MLPH: variants seen among roughly 807,000 people sequenced by gnomAD.
MLPH encodes exophilin-3.
A neutral mutation model predicts 72.1 loss-of-function variants in MLPH; 51 were observed. That is an observed-to-expected ratio of 0.71 (90% CI 0.56 to 0.89). The LOEUF is 0.89. MLPH is among the 40% of genes least tolerant of loss of function. MLPH has a pLI of 0.00. For missense variants in MLPH, 743 were observed against 759.9 expected, an observed-to-expected ratio of 0.98 and a Z score of 0.26; for synonymous variants, 301 against 310.1, an observed-to-expected ratio of 0.97 and a Z score of 0.31.
chr2:237,546,672 A>G lies in MLPH; in HGVS notation c.1606A>G (p.Ser536Gly), dbSNP rs1465939164. The change falls in exon 13 of 16, where the codon AGT (serine) becomes GGT (glycine). Residue 536 changes from serine to glycine, a missense_variant. Coordinates refer to ENST00000264605, the MANE Select transcript of MLPH (RefSeq NM_024101.7). Reference sequence around the variant, plus strand: ...AGAGGACCCAAATGCAGACCCTTCAAGTGAGGCCAAGGTATGTGTTACTCC... The same window carrying G: ...AGAGGACCCAAATGCAGACCCTTCAGGTGAGGCCAAGGTATGTGTTACTCC... ...RPEDPNADPS[S>G]EAKAMAVPYL... 6.2e-7 allele frequency: 1 copy of G among 1,614,108 alleles called. No individual in the cohort carries two copies.
rs201166379 is a variant in MLPH, at chr2:237,542,629, G to C, written c.1509G>C (p.Ser503=). ...LRAAGLTVKP[S]GKPRRKSNLP... ...CCGCAGGGCTCACGGTGAAGCCCTC[G>C]GGAAAGCCCCGGAGGAAGTCAAACC... Residue 503 remains serine (S), a synonymous_variant, in exon 12 of 16, where the codon TCG becomes TCC. Coordinates refer to ENST00000264605, the MANE Select transcript of MLPH (RefSeq NM_024101.7). The C allele has an allele frequency of 1.9e-4, 308 of 1,597,768 alleles. No individual in the cohort carries two copies. The East Asian group carries it at 6.4e-3, about 33-fold the overall frequency.
chr2:237,534,492 G>T (rs1397542747), intron 8 of MLPH, 72 bp from the exon 9 acceptor site: 1 of 1,239,164 alleles, frequency 8.1e-7, no homozygotes, highest in Non-Finnish European at 1.2e-6. Context: ...CTTCAGAGGT[G>T]GTGGGTGCCA....
At chr2:237,498,134 A>G (rs954577518) in intron 2 of MLPH, among the ~76,000 whole-genome samples, 18 of 152,216 alleles carry the variant, frequency 1.2e-4, no homozygotes, top group Non-Finnish European at 2.6e-4. Context: ...ACTACCCAGA[A>G]TATGCATCAG....
Position 237,541,439 on chromosome 2 carries a change from T to A in MLPH, c.1446+482T>A, listed in dbSNP as rs1193899114. On this transcript the variant is annotated intron_variant, in intron 11 of 15. Transcript: ENST00000264605. The surrounding 1 kb of genome is among the most constrained non-coding windows in gnomAD (Gnocchi z 5.1). ...TCAGGCCTCCCAGGGACAGCTGAGG[T>A]GACTTAGGCACTGCTCTGTCCTCCC... is the stretch of plus-strand genomic sequence containing the variant. Among the ~76,000 whole-genome samples the A allele has an allele frequency of 3.9e-5, 6 of 152,008 alleles. No homozygotes were observed. Among genetic ancestry groups the A allele is most frequent in the Non-Finnish European group, 8.8e-5 (6 of 67,978 alleles).
At chr2:237,502,182 C>CAT (rs1335162274) in intron 2 of MLPH, among the ~76,000 whole-genome samples, 1 of 152,194 alleles carries the variant, frequency 6.6e-6, no homozygotes, top group Non-Finnish European at 1.5e-5. Flanking sequence ...TAGATTCATT[C>CAT]ATATCACTTG....
intron 4 of MLPH, 180 bp downstream of exon 4, chr2:237,511,281 T>G: frequency 1.7e-6 from 1 of 574,590 alleles, no homozygotes; most frequent in South Asian, 2.0e-5. Flanking sequence ...TTTTTTTTTT[T>G]TTTAATTTTT....
intron 8 of MLPH, among the ~76,000 whole-genome samples, chr2:237,533,390 C>CAT (rs1553600847): frequency 0.011 from 1,211 of 107,992 alleles, 30 homozygotes; most frequent in East Asian, 0.092. Flanking sequence ...ATTTTCTTTT[C>CAT]TTTTTTTTTT....
At chr2:237,529,772 T>A (rs2080380090) in intron 8 of MLPH, among the ~76,000 whole-genome samples, 1 of 152,190 alleles carries the variant, frequency 6.6e-6, no homozygotes, top group African/African-American at 2.4e-5. Flanking sequence ...CCAAGGCTGG[T>A]CTCAGGCACA....
rs572224467 is a variant in MLPH, at chr2:237,527,550, T to C, written c.1020+34T>C. 4.0e-5 allele frequency: 64 copies of C among 1,613,612 alleles called. 1 individual carries two copies. The South Asian group carries it at 6.4e-4, about 16-fold the overall frequency. On this transcript the variant is annotated intron_variant, in intron 8 of 15. Coordinates refer to ENST00000264605, the MANE Select transcript of MLPH (RefSeq NM_024101.7). ...GGCTGGAAAGACTTCTGTCTTGTCG[T>C]TTCTTTGGGTGGAGTCTTTTTACCT...
intron 1 of MLPH, among the ~76,000 whole-genome samples, chr2:237,490,188 G>T (rs2079400913): frequency 6.6e-6 from 1 of 152,130 alleles, no homozygotes; most frequent in Non-Finnish European, 1.5e-5. Context: ...AGCTAGGGCA[G>T]GCACAGAGCA....
At position 237,518,138 on chromosome 2, in the gene MLPH, G is replaced by A. The variant is rs898487150; in HGVS notation, c.446-401G>A. The stretch of plus-strand genomic sequence containing the variant: ...AGGAGGGATGGAGGGATGGATGGAT[G>A]GATGGGTGGGTAGGTGAATACATGG... On this transcript the variant is annotated intron_variant, in intron 4 of 15. Transcript: ENST00000264605. The A allele has an allele frequency of 8.2e-4, 289 of 350,692 alleles. 2 individuals carry two copies. The highest frequency in any genetic ancestry group is 1.8e-4 in the Non-Finnish European group (32 of 178,804). 21.7% of individuals were successfully genotyped at this position (350,692 alleles called of 1,614,324 possible).
intron 2 of MLPH, among the ~76,000 whole-genome samples, chr2:237,493,881 G>T (rs1375458466): frequency 2.0e-5 from 3 of 152,200 alleles, no homozygotes; most frequent in Non-Finnish European, 4.4e-5. Context: ...GAAACACCTA[G>T]ATGTTGGAAT....
intron 4 of MLPH, among the ~76,000 whole-genome samples, chr2:237,511,881 C>T (rs1574852073): frequency 1.3e-5 from 2 of 152,170 alleles, no homozygotes; most frequent in East Asian, 1.9e-4. Context: ...GGGAGGATGC[C>T]GGGGGGTCTT....
rs191779158 is a variant in MLPH at position 237,510,194 on chromosome 2, A to C, written c.111-380A>C. The C allele has an allele frequency of 3.3e-5, 11 of 336,894 alleles. No homozygotes were observed. Among genetic ancestry groups the C allele is most frequent in the Admixed American group, 3.0e-4 (7 of 23,652 alleles). The allele number at this position is 336,894 out of a possible 1,614,324, so 20.9% of individuals were successfully genotyped here. Reference sequence around the variant, plus strand: ...CCCCCTGCTGAAGGAGACCAAAACAATGCTTGATCAGGAAACACCATCTGG... The same window carrying C: ...CCCCCTGCTGAAGGAGACCAAAACACTGCTTGATCAGGAAACACCATCTGG... On this transcript the variant is annotated intron_variant, in intron 2 of 15. Transcript: ENST00000264605. The surrounding 1 kb of genome is among the most constrained non-coding windows in gnomAD (Gnocchi z 4.4).
At position 237,509,015 on chromosome 2, in the gene MLPH, T is replaced by C. The variant is rs557906949; in HGVS notation, c.111-1559T>C. ...AGGAGTGACTTCTGGTCAACCCAATTAGCAGAGTGCATGGAGTGCTCTGGC... is the reference window on the plus strand; with the variant it reads ...AGGAGTGACTTCTGGTCAACCCAATCAGCAGAGTGCATGGAGTGCTCTGGC... On this transcript the variant is annotated intron_variant, in intron 2 of 15. Coordinates refer to ENST00000264605, the MANE Select transcript of MLPH (RefSeq NM_024101.7). Among the ~76,000 whole-genome samples the C allele has an allele frequency of 2.0e-5, 3 of 152,258 alleles. No individual in the cohort carries two copies. In the East Asian group the frequency reaches 5.8e-4, roughly 29 times the overall value.
chr2:237,490,811 T>A (rs569255695), intron 1 of MLPH, among the ~76,000 whole-genome samples: 27 of 152,202 alleles, frequency 1.8e-4, no homozygotes, highest in Non-Finnish European at 3.5e-4. Context: ...AGTTCGGTAG[T>A]AAGTCCATTT....
intron 8 of MLPH, 76 bp downstream of exon 8, chr2:237,527,592 T>C: frequency 1.3e-6 from 2 of 1,580,542 alleles, no homozygotes; most frequent in Non-Finnish European, 8.7e-7. Context: ...CAAGTCACTT[T>C]AGAGAAATTA....
At chr2:237,527,817 A>G in intron 8 of MLPH, 1 of 446,732 alleles carries the variant, frequency 2.2e-6, no homozygotes, top group South Asian at 2.2e-5. Flanking sequence ...ACTGAAAAAG[A>G]TATTTGCAAC....
chr2:237,508,837 T>A (rs2079830775), intron 2 of MLPH, among the ~76,000 whole-genome samples: 2 of 152,196 alleles, frequency 1.3e-5, no homozygotes, highest in Admixed American at 1.3e-4. Flanking sequence ...TCTGTCCCTC[T>A]CATTGAGACT....
Sources: allele counts gnomAD v4.1 joint callset (sites outside exome capture counted in the v4.1 genomes callset), GRCh38; gene constraint gnomAD v4.1.1; non-coding constraint Gnocchi (gnomAD v3.1); transcripts MANE v1.5; gene names NCBI Gene and HGNC (gene_info 2026-07-23, HGNC 2026-07-21).